The following FHIT variants were observed in gnomAD, a reference collection of about 807,000 sequenced individuals.
FHIT encodes fragile histidine triad diadenosine triphosphatase.
In FHIT, 19 loss-of-function variants were observed where a neutral mutation model predicts 17.9. That is an observed-to-expected ratio of 1.06 (90% confidence interval 0.74 to 1.56). FHIT has a LOEUF of 1.56. Among genes scored for constraint, FHIT ranks in the 40% most tolerant of loss-of-function variants. The pLI, the probability that FHIT is intolerant of heterozygous loss-of-function variation, is 0.00. For missense variants in FHIT, 248 were observed against 189.2 expected (o/e 1.31, Z -1.82); for synonymous variants, 81 against 69.7 (o/e 1.16, Z -0.81).
intron 5 of FHIT, among the ~76,000 whole-genome samples, chr3:60,105,391 A>C (rs1291519713): frequency 6.6e-6 from 1 of 152,228 alleles, no homozygotes; most frequent in East Asian, 1.9e-4. Flanking sequence ...GCTCTATGCC[A>C]ACAAAGAACA....
At chr3:61,244,511 A>T (rs2040441889) in intron 1 of FHIT, among the ~76,000 whole-genome samples, 1 of 152,134 alleles carries the variant, frequency 6.6e-6, no homozygotes, top group African/African-American at 2.4e-5. Flanking sequence ...AAATATTGTA[A>T]GCTGAATGAA....
intron 3 of FHIT, among the ~76,000 whole-genome samples, chr3:60,875,177 T>A (rs1381841046): frequency 2.0e-5 from 3 of 152,120 alleles, no homozygotes; most frequent in African/African-American, 7.2e-5. Context: ...ACCTACATAC[T>A]TGAACCCATC....
chr3:60,659,545 T>C (rs1202151343), intron 4 of FHIT, among the ~76,000 whole-genome samples: 4 of 152,152 alleles, frequency 2.6e-5, no homozygotes, highest in East Asian at 1.9e-4. Flanking sequence ...TGTTCAAATA[T>C]GCCTTTGAAT....
At chr3:59,854,811 G>A (rs1046875770) in intron 8 of FHIT, among the ~76,000 whole-genome samples, 11 of 148,058 alleles carry the variant, frequency 7.4e-5, no homozygotes, top group African/African-American at 2.7e-4. Flanking sequence ...AGCAGAGAGA[G>A]AGGAGCCAGA....
intron 3 of FHIT, among the ~76,000 whole-genome samples, chr3:60,891,822 A>G (rs782094179): frequency 1.2e-4 from 19 of 152,174 alleles, no homozygotes; most frequent in Admixed American, 5.9e-4. Flanking sequence ...GGGCGTTAAG[A>G]CAACAGCACT....
intron 5 of FHIT, among the ~76,000 whole-genome samples, chr3:60,486,090 A>G (rs533188702): frequency 3.3e-5 from 5 of 152,242 alleles, no homozygotes; most frequent in African/African-American, 7.2e-5. Flanking sequence ...CACAATGCCT[A>G]TTTCTACTAA....
At chr3:59,853,380 G>C (rs1702021329) in intron 8 of FHIT, among the ~76,000 whole-genome samples, 3 of 152,176 alleles carry the variant, frequency 2.0e-5, no homozygotes, top group African/African-American at 4.8e-5. Flanking sequence ...CTCAAGTTTG[G>C]TGAATTTCAT....
At chr3:60,280,870 T>A (rs546433137) in intron 5 of FHIT, among the ~76,000 whole-genome samples, 5 of 152,008 alleles carry the variant, frequency 3.3e-5, no homozygotes, top group Admixed American at 2.0e-4. Flanking sequence ...GAAAAAGATA[T>A]AACGATTGGG....
At chr3:60,353,240 C>G (rs1393542888) in intron 5 of FHIT, among the ~76,000 whole-genome samples, 1 of 152,074 alleles carries the variant, frequency 6.6e-6, no homozygotes, top group East Asian at 1.9e-4. Flanking sequence ...CTCTAACTAC[C>G]TCTTCCATCG....
intron 5 of FHIT, among the ~76,000 whole-genome samples, chr3:60,117,925 T>C (rs1705051370): frequency 6.6e-6 from 1 of 152,104 alleles, no homozygotes; most frequent in South Asian, 2.1e-4. Context: ...CAGGCACCAG[T>C]GAAAATCAGG....
intron 8 of FHIT, among the ~76,000 whole-genome samples, chr3:59,814,617 G>T (rs1700529281): frequency 6.6e-6 from 1 of 152,132 alleles, no homozygotes; most frequent in Admixed American, 6.5e-5. Flanking sequence ...TCCATCCCTT[G>T]TCCCCACATA....
At chr3:60,554,281 T>C (rs1401512715) in intron 4 of FHIT, among the ~76,000 whole-genome samples, 5 of 151,550 alleles carry the variant, frequency 3.3e-5, no homozygotes, top group African/African-American at 1.2e-4. Flanking sequence ...ACCCAAATCA[T>C]GTTTTTCATG....
intron 4 of FHIT, among the ~76,000 whole-genome samples, chr3:60,673,404 C>G (rs1362842738): frequency 6.6e-6 from 1 of 152,082 alleles, no homozygotes; most frequent in African/African-American, 2.4e-5. Flanking sequence ...CCTCAACAAG[C>G]TAACACAGGA....
intron 3 of FHIT, among the ~76,000 whole-genome samples, chr3:60,880,394 C>G (rs916158735): frequency 7.9e-5 from 12 of 152,098 alleles, no homozygotes; most frequent in Non-Finnish European, 1.8e-4. Flanking sequence ...CATCTGGAAG[C>G]AAAAAATGAT....
intron 7 of FHIT, among the ~76,000 whole-genome samples, chr3:59,979,805 C>T (rs1708573278): frequency 6.6e-6 from 1 of 152,050 alleles, no homozygotes; most frequent in African/African-American, 2.4e-5. Flanking sequence ...AAGAAAGAAA[C>T]TGTGAAACTG....
At chr3:60,527,681 A>G (rs1052812269) in intron 5 of FHIT, among the ~76,000 whole-genome samples, 3 of 152,234 alleles carry the variant, frequency 2.0e-5, no homozygotes, top group Non-Finnish European at 2.9e-5. Flanking sequence ...TAAAGCCACT[A>G]ACAGCAAAAT....
At position 60,938,007 on chromosome 3, in the gene FHIT, A is replaced by G. The variant is rs1553773538; in HGVS notation, c.-111+104040T>C. Among the ~76,000 whole-genome samples, 22 of 152,264 alleles carry G rather than the reference A, an allele frequency of 1.4e-4. No individual in the cohort carries two copies. In the South Asian group the frequency reaches 4.4e-3, roughly 30 times the overall value. On this transcript the variant is annotated intron_variant, in intron 3 of 9. Coordinates refer to ENST00000492590, the MANE Select transcript of FHIT (RefSeq NM_002012.4). ...GGCCTGAGGGACTCTGTTTCTCTAC[A>G]GGTCAGCTCCAAAGCAGAGGGCCCT... is the stretch of plus-strand genomic sequence containing the variant.
chr3:59,873,400 A>G (rs114057081), intron 8 of FHIT, among the ~76,000 whole-genome samples: 46 of 152,326 alleles, frequency 3.0e-4, no homozygotes, highest in Non-Finnish European at 5.3e-4. Context: ...AACTTCTAAC[A>G]AAACACTTCC....
At chr3:60,915,976 A>G (rs559945150) in intron 3 of FHIT, among the ~76,000 whole-genome samples, 2 of 152,318 alleles carry the variant, frequency 1.3e-5, no homozygotes, top group East Asian at 1.9e-4. Context: ...CAACATATGC[A>G]TATGTGAACA....
Sources: allele counts gnomAD v4.1 joint callset (sites outside exome capture counted in the v4.1 genomes callset), GRCh38; gene constraint gnomAD v4.1.1; transcripts MANE v1.5; gene names NCBI Gene and HGNC (gene_info 2026-07-23, HGNC 2026-07-21).